The following TXNL1 variants were observed in gnomAD, a reference collection of about 807,000 sequenced individuals.
TXNL1 encodes the protein thioredoxin-like protein 1.
A neutral mutation model predicts 35.5 loss-of-function variants in TXNL1; 14 were observed. That is an observed-to-expected ratio of 0.39 (90% CI 0.26 to 0.62). The LOEUF (loss-of-function observed/expected upper bound fraction) is 0.62. TXNL1 is among the 20% of genes least tolerant of loss of function. The probability of loss-of-function intolerance (pLI) is 0.47; values close to 1 mark genes in which losing one functional copy is unlikely to be tolerated. For synonymous variants in TXNL1, 110 were observed against 115.5 expected (o/e 0.95, Z 0.31); for missense variants, 263 against 349.7 (o/e 0.75, Z 1.98).
chr18:56,628,282 A>C (rs1039238567), intron 1 of TXNL1, among the ~76,000 whole-genome samples: 6 of 152,202 alleles, frequency 3.9e-5, no homozygotes, highest in African/African-American at 1.2e-4. Flanking sequence ...AGCTGGTATT[A>C]ACCATTTTGG....
Position 56,602,881 on chromosome 18 carries a change from A to T in TXNL1, c.*146T>A. On this transcript the variant is annotated 3_prime_UTR_variant, in exon 8 of 8. Transcript: ENST00000217515. ...ATTGCATGTGTCAAGATTACAATGG[A>T]AACACTAGTGATACCATCTGAACAA... The T allele has an allele frequency of 1.1e-6, 1 of 870,108 alleles. No individual in the cohort carries two copies. Among genetic ancestry groups the T allele is most frequent in the East Asian group, 2.6e-5 (1 of 38,390 alleles). 53.9% of individuals were successfully genotyped at this position (870,108 alleles called of 1,614,324 possible).
At chr18:56,619,626 A>G (rs1043125324) in intron 3 of TXNL1, among the ~76,000 whole-genome samples, 2 of 151,876 alleles carry the variant, frequency 1.3e-5, no homozygotes, top group Non-Finnish European at 2.9e-5. Flanking sequence ...AGATTTCTCA[A>G]TACTTTGGAT....
intron 6 of TXNL1, among the ~76,000 whole-genome samples, chr18:56,613,842 T>A (rs1206846042): frequency 6.6e-6 from 1 of 151,912 alleles, no homozygotes; most frequent in Non-Finnish European, 1.5e-5. Context: ...ATACCTTAGG[T>A]CATCTTATAA....
intron 1 of TXNL1, among the ~76,000 whole-genome samples, chr18:56,631,910 A>C (rs2024377600): frequency 6.6e-6 from 1 of 151,142 alleles, no homozygotes; most frequent in African/African-American, 2.4e-5. Flanking sequence ...AAAACAGCGA[A>C]ACTCTGTCTC....
rs2023812187 is a variant in TXNL1 at position 56,601,688 on chromosome 18, C to CA, written c.*1338dup. 4 of 152,288 alleles carry CA rather than the reference C, an allele frequency of 2.6e-5. No homozygotes were observed. The highest frequency in any genetic ancestry group is 6.5e-5 in the Admixed American group (1 of 15,308). 9.4% of individuals were successfully genotyped at this position (152,288 alleles called of 1,614,324 possible). On this transcript the variant is annotated 3_prime_UTR_variant, in exon 8 of 8. Coordinates refer to ENST00000217515, the MANE Select transcript of TXNL1 (RefSeq NM_004786.3). ...AACAAGTATAAACACACTGCTCTCA[C>CA]AAAGGCAAATGGTATCTCTACCATA...
At chr18:56,615,564 A>G (rs897348124) in intron 5 of TXNL1, among the ~76,000 whole-genome samples, 1 of 152,036 alleles carries the variant, frequency 6.6e-6, no homozygotes, top group South Asian at 2.1e-4. Flanking sequence ...TAAAAAAATG[A>G]TACTATTAAT....
At chr18:56,633,274 C>T (rs1256820732) in intron 1 of TXNL1, among the ~76,000 whole-genome samples, 3 of 151,622 alleles carry the variant, frequency 2.0e-5, no homozygotes, top group Admixed American at 6.6e-5. Context: ...GGTGAAACCC[C>T]GTCTCTACTA....
Position 56,598,195 on chromosome 18 carries a change from G to A in TXNL1, c.*4832C>T, listed in dbSNP as rs1463435448. On this transcript the variant is annotated 3_prime_UTR_variant, in exon 8 of 8. Coordinates refer to ENST00000217515, the MANE Select transcript of TXNL1 (RefSeq NM_004786.3). ...ACCCAAGCATCTCCCCTTGGACCCT[G>A]AGAATTTTTTCAACATTGTATTTAA... 1 of 152,094 alleles carries A rather than the reference G, an allele frequency of 6.6e-6. No individual in the cohort carries two copies. The allele number at this position is 152,094 out of a possible 1,614,324, so 9.4% of individuals were successfully genotyped here.
chr18:56,617,956 G>A (rs1198481308), intron 4 of TXNL1, 48 bp downstream of exon 4: 2 of 1,604,490 alleles, frequency 1.2e-6, no homozygotes, highest in Non-Finnish European at 1.7e-6. Flanking sequence ...ACAAGAGCAG[G>A]CATAAATAGT....
intron 3 of TXNL1, among the ~76,000 whole-genome samples, chr18:56,620,438 TTAAG>T (rs2024162065): frequency 6.6e-6 from 1 of 152,234 alleles, no homozygotes; most frequent in African/African-American, 2.4e-5. Flanking sequence ...ACTTAAGATC[TTAAG>T]TAGTTACAGT....
chr18:56,610,451 T>G (rs1021215675), intron 7 of TXNL1: 1 of 152,686 alleles, frequency 6.5e-6, no homozygotes, highest in Non-Finnish European at 1.5e-5. Context: ...TGCACACACA[T>G]AAAGATATAC....
chr18:56,627,785 G>GA (rs2024309292), intron 1 of TXNL1, among the ~76,000 whole-genome samples: 3 of 150,650 alleles, frequency 2.0e-5, no homozygotes, highest in Non-Finnish European at 4.4e-5. Context: ...AGGGTTTTAG[G>GA]AAAAAATACA....
chr18:56,623,273 C>T (rs948170151), intron 3 of TXNL1, among the ~76,000 whole-genome samples: 5 of 151,946 alleles, frequency 3.3e-5, no homozygotes, highest in African/African-American at 9.7e-5. Flanking sequence ...ACGAAAAATA[C>T]AAAAATTAGC....
chr18:56,603,681 G>T (rs1287609548), intron 7 of TXNL1, among the ~76,000 whole-genome samples: 2 of 152,088 alleles, frequency 1.3e-5, no homozygotes, highest in African/African-American at 4.8e-5. Context: ...TATATATGTG[G>T]CAGCATAAAA....
chr18:56,612,143 A>T (rs2024006840), intron 6 of TXNL1, among the ~76,000 whole-genome samples: 1 of 151,062 alleles, frequency 6.6e-6, no homozygotes, highest in Non-Finnish European at 1.5e-5. Context: ...CTGGGATTAC[A>T]GGTGTGAGCC....
chr18:56,632,414 G>A (rs1330832368), intron 1 of TXNL1, among the ~76,000 whole-genome samples: 3 of 152,026 alleles, frequency 2.0e-5, no homozygotes, highest in Non-Finnish European at 4.4e-5. Context: ...GCATTCATTG[G>A]GCACTTACTG....
Position 56,598,270 on chromosome 18 carries a change from T to TTACA in TXNL1, c.*4753_*4756dup, listed in dbSNP as rs1196913983. The TTACA allele has an allele frequency of 6.6e-6, 1 of 152,200 alleles. No individual in the cohort carries two copies. Among genetic ancestry groups the TTACA allele is most frequent in the Non-Finnish European group, 1.5e-5 (1 of 68,030 alleles). 9.4% of individuals were successfully genotyped at this position (152,200 alleles called of 1,614,324 possible). The stretch of plus-strand genomic sequence containing the variant: ...TAATACTAGAGACAAAATACTTGTA[T>TTACA]TACAGCTCACAATCTAGTAGTCCAA... On this transcript the variant is annotated 3_prime_UTR_variant, in exon 8 of 8. Transcript: ENST00000217515.
In TXNL1 at chr18:56,601,792, A is replaced by AAAAT. The variant is rs1185839517; in HGVS notation, c.*1231_*1234dup. On this transcript the variant is annotated 3_prime_UTR_variant, in exon 8 of 8. Coordinates refer to ENST00000217515, the MANE Select transcript of TXNL1 (RefSeq NM_004786.3). ...TATGTACTCTTTAAAAATAGTTTTC[A>AAAAT]AAATACTCAGAAATTTTAAAATTAA... 1.3e-5 allele frequency: 2 copies of AAAAT among 152,370 alleles called. No individual in the cohort carries two copies. Among genetic ancestry groups the AAAAT allele is most frequent in the African/African-American group, 2.4e-5 (1 of 41,594 alleles). 9.4% of individuals were successfully genotyped at this position (152,370 alleles called of 1,614,324 possible). A position where few individuals can be genotyped will look rare whatever the true frequency, so the allele number is the denominator to read the frequency against.
chr18:56,627,698 A>C (rs955143047), intron 1 of TXNL1, among the ~76,000 whole-genome samples: 11 of 152,160 alleles, frequency 7.2e-5, no homozygotes, highest in African/African-American at 2.7e-4. Flanking sequence ...ACAGGAAAAG[A>C]AATGAATCTC....
Sources: allele counts gnomAD v4.1 joint callset (sites outside exome capture counted in the v4.1 genomes callset), GRCh38; gene constraint gnomAD v4.1.1; transcripts MANE v1.5; gene names NCBI Gene and HGNC (gene_info 2026-07-23, HGNC 2026-07-21).